SOX13: variants seen among roughly 807,000 people sequenced by gnomAD.
SOX13 encodes transcription factor SOX-13.
In SOX13, 28 loss-of-function variants were observed where a neutral mutation model predicts 71.8. That is an observed-to-expected ratio of 0.39 (90% CI 0.29 to 0.53). SOX13 has a LOEUF of 0.53. SOX13 is among the 20% of genes least tolerant of loss of function. The pLI is 0.70. For synonymous variants in SOX13, 309 were observed against 317.8 expected, an observed-to-expected ratio of 0.97 and a Z score of 0.29; for missense variants, 627 against 810.3, an observed-to-expected ratio of 0.77 and a Z score of 2.75.
At position 204,122,844 on chromosome 1, in the gene SOX13, T is replaced by G. The variant is rs748524204; in HGVS notation, c.1025-10T>G. 110 of 1,528,922 alleles carry G rather than the reference T, an allele frequency of 7.2e-5. No homozygotes were observed. Among genetic ancestry groups the G allele is most frequent in the Non-Finnish European group, 9.0e-5 (102 of 1,127,362 alleles). 94.7% of individuals were successfully genotyped at this position (1,528,922 alleles called of 1,614,324 possible). On this transcript the variant is annotated splice_polypyrimidine_tract_variant and intron_variant, in intron 9 of 13. Coordinates refer to ENST00000367204, the MANE Select transcript of SOX13 (RefSeq NM_005686.3). The stretch of plus-strand genomic sequence containing the variant: ...CGCTTCTCTTCCCTCTCTTCTGCCC[T>G]CTCCCACAGGCTTCCTTGGTGAAGG...
Position 204,117,117 on chromosome 1 carries a change from C to T in SOX13, c.592-5C>T, listed in dbSNP as rs1396034141. The T allele has an allele frequency of 1.2e-6, 2 of 1,613,800 alleles. No individual in the cohort carries two copies. The highest frequency in any genetic ancestry group is 1.7e-5 in the Admixed American group (1 of 60,012). ...CCCCCTCTGCCTACTCTTTCCCTCT[C>T]CCAGATTGCAAAGCAGCAGCAGCAG... On this transcript the variant is annotated splice_region_variant and splice_polypyrimidine_tract_variant and intron_variant, in intron 5 of 13. Coordinates refer to ENST00000367204, the MANE Select transcript of SOX13 (RefSeq NM_005686.3).
At chr1:204,125,343 T>C (rs911772737) in intron 13 of SOX13, among the ~76,000 whole-genome samples, 1 of 152,030 alleles carries the variant, frequency 6.6e-6, no homozygotes, top group African/African-American at 2.4e-5. Context: ...GGCAGGAGGA[T>C]CCCTTGAGCT....
intron 1 of SOX13, among the ~76,000 whole-genome samples, chr1:204,088,386 G>A (rs1268607221): frequency 1.3e-5 from 2 of 152,166 alleles, no homozygotes; most frequent in Non-Finnish European, 2.9e-5. Context: ...GCCCAAATAA[G>A]AAAGAGAGCG....
In SOX13 at chr1:204,122,137, C is replaced by T. The variant is rs1044474470; in HGVS notation, c.862-100C>T. ...TCTGCGTCCACTTTTCTGTCTGTCT[C>T]CTTGTGTGTTCTGGGTATGCTCACC... On this transcript the variant is annotated intron_variant, in intron 8 of 13. Coordinates refer to ENST00000367204, the MANE Select transcript of SOX13 (RefSeq NM_005686.3). The T allele has an allele frequency of 6.0e-6, 7 of 1,158,694 alleles. No individual in the cohort carries two copies. In the Admixed American group the frequency reaches 1.6e-4, roughly 27 times the overall value. 71.8% of individuals were successfully genotyped at this position (1,158,694 alleles called of 1,614,324 possible). A position where few individuals can be genotyped will look rare whatever the true frequency, so the allele number is the denominator to read the frequency against.
intron 1 of SOX13, among the ~76,000 whole-genome samples, chr1:204,102,582 C>T (rs188767639): frequency 5.3e-5 from 8 of 151,742 alleles, no homozygotes; most frequent in Non-Finnish European, 7.4e-5. Context: ...ATTCAGAAAA[C>T]TGATAACCTA....
intron 1 of SOX13, among the ~76,000 whole-genome samples, chr1:204,105,024 C>T (rs940656): frequency 0.36 from 54,394 of 151,842 alleles, 10,506 homozygotes; most frequent in East Asian, 0.59. Flanking sequence ...TCAGAGGGGC[C>T]GTGACAGGGC....
chr1:204,114,313 T>A lies in SOX13; in HGVS notation c.220-8T>A, dbSNP rs1029029346. The A allele has an allele frequency of 1.7e-5, 26 of 1,570,898 alleles. No homozygotes were observed. The highest frequency in any genetic ancestry group is 4.6e-5 in the South Asian group (4 of 87,006). ...GGGGTTATGGTGACAATTCAGTATG[T>A]CTTGCAGGACTGTAGCTCTCCAGAG... On this transcript the variant is annotated splice_region_variant and splice_polypyrimidine_tract_variant and intron_variant, in intron 2 of 13. Coordinates refer to ENST00000367204, the MANE Select transcript of SOX13 (RefSeq NM_005686.3).
chr1:204,106,350 A>C (rs1656470228), intron 1 of SOX13, among the ~76,000 whole-genome samples: 1 of 152,206 alleles, frequency 6.6e-6, no homozygotes, highest in African/African-American at 2.4e-5. Context: ...TCACCTGTTA[A>C]GCATCCAGAC....
chr1:204,108,165 GAA>G (rs1178985059), intron 1 of SOX13, among the ~76,000 whole-genome samples: 2 of 152,196 alleles, frequency 1.3e-5, no homozygotes, highest in African/African-American at 2.4e-5. Flanking sequence ...AGTATAAAAA[GAA>G]ATAGGTGAAA....
At chr1:204,082,624 A>G (rs1655932663) in intron 1 of SOX13, among the ~76,000 whole-genome samples, 2 of 152,186 alleles carry the variant, frequency 1.3e-5, no homozygotes, top group East Asian at 1.9e-4. Flanking sequence ...GGGGCTGAGG[A>G]AGAGAAAGGA....
chr1:204,117,293 C>T, intron 6 of SOX13, 103 bp downstream of exon 6: 1 of 1,026,318 alleles, frequency 9.7e-7, no homozygotes, highest in Non-Finnish European at 1.5e-6. Flanking sequence ...GTTAAAGAGC[C>T]AGAGCAGAAT....
At chr1:204,102,697 A>C (rs1656385453) in intron 1 of SOX13, among the ~76,000 whole-genome samples, 1 of 151,022 alleles carries the variant, frequency 6.6e-6, no homozygotes, top group Non-Finnish European at 1.5e-5. Context: ...ATGTGGGGGA[A>C]GGGGGTGGCG....
chr1:204,114,468 A>G (rs779152567), intron 3 of SOX13, 36 bp downstream of exon 3: 2 of 1,605,458 alleles, frequency 1.2e-6, no homozygotes, highest in South Asian at 1.1e-5. Context: ...CAGAGGCCTG[A>G]GGCAGGGAGG....
intron 1 of SOX13, among the ~76,000 whole-genome samples, chr1:204,084,153 T>C (rs548110478): frequency 5.3e-5 from 8 of 152,136 alleles, no homozygotes; most frequent in Non-Finnish European, 1.0e-4. Context: ...AGGGGCCTTA[T>C]TCAGCTACAA....
At position 204,117,149 on chromosome 1, in the gene SOX13, C is replaced by G; in HGVS notation, c.619C>G (p.Gln207Glu). Residue 207 changes from glutamine (Q) to glutamate (E), a missense_variant, in exon 6 of 14, where the codon CAG (glutamine) becomes GAG (glutamate). By Grantham distance (29) the Gln-to-Glu change is conservative. Around this residue, in one of 3 missense-constraint regions of SOX13, gnomAD observed 447 missense variants for 532.2 expected, o/e 0.84. Transcript: ENST00000367204. ...TGCAAAGCAGCAGCAGCAGCTGATT[C>G]AGCAGCAGCATAAGATCAACCTCCT... is the stretch of plus-strand genomic sequence containing the variant. ...QIAKQQQQLI[Q>E]QQHKINLLQQ... 2 of 1,613,970 alleles carry G rather than the reference C, an allele frequency of 1.2e-6. No homozygotes were observed. The highest frequency in any genetic ancestry group is 1.7e-6 in the Non-Finnish European group (2 of 1,179,864).
intron 1 of SOX13, among the ~76,000 whole-genome samples, chr1:204,101,504 T>TA (rs781502804): frequency 1.8e-4 from 24 of 134,582 alleles, no homozygotes; most frequent in Admixed American, 2.3e-4. Context: ...CCTCTTTATT[T>TA]AAAAAAAAAA....
chr1:204,078,333 C>T (rs1655826176), intron 1 of SOX13: 1 of 152,192 alleles, frequency 6.6e-6, no homozygotes, highest in Non-Finnish European at 1.5e-5. Flanking sequence ...TGAGATCGGT[C>T]CTTATTGGGC....
chr1:204,096,637 G>A (rs946484603), intron 1 of SOX13, among the ~76,000 whole-genome samples: 9 of 151,312 alleles, frequency 5.9e-5, no homozygotes, highest in African/African-American at 1.9e-4. Flanking sequence ...GGCTGGACTC[G>A]AACTCCTGAC....
chr1:204,107,056 C>T (rs1450218807), intron 1 of SOX13, among the ~76,000 whole-genome samples: 1 of 152,142 alleles, frequency 6.6e-6, no homozygotes, highest in African/African-American at 2.4e-5. Context: ...TTCAAATGTA[C>T]CCAAGTCTGT....
Sources: gnomAD v4.1 joint callset for allele counts (sites outside exome capture counted in the v4.1 genomes callset) on GRCh38, gnomAD v4.1.1 for gene constraint, gnomAD v4.1.1 regional missense constraint, MANE v1.5 for transcripts, NCBI Gene and HGNC (gene_info 2026-07-23, HGNC 2026-07-21) for gene names.